Variants in MARCHF7 observed in about 807,000 individuals in gnomAD.
The protein encoded by MARCHF7 is E3 ubiquitin-protein ligase MARCHF7.
A neutral mutation model predicts 76.5 loss-of-function variants in MARCHF7; 20 were observed. The ratio of observed to expected loss-of-function variants is 0.26; its 90% CI spans 0.18 to 0.38. The LOEUF (loss-of-function observed/expected upper bound fraction) is 0.38. MARCHF7 is among the 10% of genes least tolerant of loss of function. The pLI, the probability that MARCHF7 is intolerant of heterozygous loss-of-function variation, is 1.00. For missense variants in MARCHF7, 797 were observed against 812.9 expected (o/e 0.98, Z 0.24); for synonymous variants, 295 against 293.0 (o/e 1.01, Z -0.07).
rs1422534379 is a variant in MARCHF7 at position 159,768,342 on chromosome 2, T to C, written c.*1000T>C. The C allele has an allele frequency of 6.6e-6, 1 of 152,632 alleles. No individual in the cohort carries two copies. The highest frequency in any genetic ancestry group is 1.5e-5 in the Non-Finnish European group (1 of 68,008). The allele number at this position is 152,632 out of a possible 1,614,324, so 9.5% of individuals were successfully genotyped here. On this transcript the variant is annotated 3_prime_UTR_variant, in exon 12 of 12. Coordinates refer to ENST00000409175, the MANE Select transcript of MARCHF7 (RefSeq NM_001282805.2). Reference sequence around the variant, plus strand: ...ACATTATTCACCATGAATGGATCTATACTGTGTGGTCATGAGTTGTGTATA... The same window carrying C: ...ACATTATTCACCATGAATGGATCTACACTGTGTGGTCATGAGTTGTGTATA...
chr2:159,739,291 G>A (rs1340553652), intron 4 of MARCHF7, among the ~76,000 whole-genome samples: 2 of 152,222 alleles, frequency 1.3e-5, no homozygotes, highest in South Asian at 2.1e-4. Context: ...TGCAGCCGGC[G>A]TCTTTGTGGC....
At chr2:159,765,273 A>G (rs563646163) in intron 11 of MARCHF7, among the ~76,000 whole-genome samples, 2 of 151,996 alleles carry the variant, frequency 1.3e-5, no homozygotes, top group Admixed American at 6.6e-5. Context: ...CAACAGCTCA[A>G]ATCTCTTAAG....
At chr2:159,733,136 T>C (rs1703022821) in intron 4 of MARCHF7, 1 of 699,820 alleles carries the variant, frequency 1.4e-6, no homozygotes, top group Admixed American at 6.3e-5. Context: ...TTTAAGATAA[T>C]ATCTGTAGGG....
intron 7 of MARCHF7, among the ~76,000 whole-genome samples, chr2:159,752,176 A>T (rs1316128286): frequency 3.3e-5 from 5 of 152,226 alleles, no homozygotes; most frequent in Non-Finnish European, 1.5e-5. Context: ...TACCTTTAAA[A>T]TACTTGTTAC....
intron 11 of MARCHF7, among the ~76,000 whole-genome samples, chr2:159,766,230 C>T (rs1448496372): frequency 6.6e-6 from 1 of 152,048 alleles, no homozygotes. Flanking sequence ...ACAAGAAGTT[C>T]CTTAATAAGC....
intron 5 of MARCHF7, among the ~76,000 whole-genome samples, chr2:159,745,015 A>G (rs9646766): frequency 0.082 from 12,462 of 152,290 alleles, 603 homozygotes; most frequent in East Asian, 0.14. Flanking sequence ...CAGTAAAAAT[A>G]ATTCTGATGA....
chr2:159,729,779 A>G (rs2125406178), intron 4 of MARCHF7, among the ~76,000 whole-genome samples: 1 of 152,290 alleles, frequency 6.6e-6, no homozygotes, highest in Non-Finnish European at 1.5e-5. Flanking sequence ...TGTCAGAGGA[A>G]CAAAAACTGT....
chr2:159,733,129 A>G, intron 4 of MARCHF7: 2 of 690,804 alleles, frequency 2.9e-6, no homozygotes, highest in Non-Finnish European at 3.6e-6. Context: ...ACATTGGTTT[A>G]AGATAATATC....
Position 159,747,956 on chromosome 2 carries a change from A to ATT in MARCHF7, c.666_667insTT (p.Arg223LeufsTer33). On this transcript the variant is annotated frameshift_variant, in exon 7 of 12. Coordinates refer to ENST00000409175, the MANE Select transcript of MARCHF7 (RefSeq NM_001282805.2). LOFTEE classifies it high-confidence loss of function. Reference sequence around the variant, plus strand: ...GTTCTAGGGACTCCAGAAATTCTTTAAGATCAAATTTTTCTTCAAGAGAAT... The same window carrying ATT: ...GTTCTAGGGACTCCAGAAATTCTTTATTAGATCAAATTTTTCTTCAAGAGAAT... The ATT allele has an allele frequency of 6.2e-7, 1 of 1,614,056 alleles. No homozygotes were observed. The highest frequency in any genetic ancestry group is 8.5e-7 in the Non-Finnish European group (1 of 1,179,992).
rs1447114740 is a variant in MARCHF7 at position 159,748,973 on chromosome 2, CTTTTCTTTTTTTT to C, written c.1613+75_1613+87del. The C allele has an allele frequency of 3.1e-5, 21 of 684,704 alleles. 1 individual carries two copies. The highest frequency in any genetic ancestry group is 3.8e-5 in the East Asian group (1 of 26,174). The allele number at this position is 684,704 out of a possible 1,614,324, so 42.4% of individuals were successfully genotyped here. A position where few individuals can be genotyped will look rare whatever the true frequency, so the allele number is the denominator to read the frequency against. ...AAAGAACTCTTCATTTCTTTTTTTT[CTTTTCTTTTTTTT>C]TTTTTTTTTTGAGACGGAGTCTCAG... On this transcript the variant is annotated intron_variant, in intron 7 of 11. Transcript: ENST00000409175.
At chr2:159,740,155 A>C (rs1014478119) in intron 4 of MARCHF7, among the ~76,000 whole-genome samples, 4 of 152,164 alleles carry the variant, frequency 2.6e-5, no homozygotes, top group African/African-American at 4.8e-5. Context: ...TTGATATTCT[A>C]ATGGCTTCCT....
intron 3 of MARCHF7, among the ~76,000 whole-genome samples, chr2:159,724,336 G>A (rs1477438932): frequency 6.6e-6 from 1 of 152,088 alleles, no homozygotes; most frequent in Non-Finnish European, 1.5e-5. Context: ...TTTCAAGATG[G>A]TATATTGTGC....
rs1006653241 is a variant in MARCHF7, at chr2:159,715,973, C to A, written c.-15+207C>A. 6.6e-5 allele frequency among the ~76,000 whole-genome samples: 10 copies of A among 152,318 alleles called. No individual in the cohort carries two copies. The East Asian group carries it at 1.5e-3, about 23-fold the overall frequency. On this transcript the variant is annotated intron_variant, in intron 3 of 11. Transcript: ENST00000409175. ...AAACTTGATGCTTAGAGATTAAATT[C>A]ATTTCAAGGAGAACAGTTTGCCTTT...
chr2:159,764,846 T>TG (rs1707571523), intron 11 of MARCHF7, among the ~76,000 whole-genome samples, 172 bp downstream of exon 11: 1 of 151,746 alleles, frequency 6.6e-6, no homozygotes, highest in African/African-American at 2.4e-5. Context: ...ATTAGTTGTT[T>TG]TTTTTTTTAA....
intron 5 of MARCHF7, 26 bp from the exon 6 acceptor site, chr2:159,745,744 A>T (rs922031769): frequency 6.4e-7 from 1 of 1,550,878 alleles, no homozygotes; most frequent in African/African-American, 1.4e-5. Context: ...CTTTCTCTGA[A>T]ATAAAACTTC....
At chr2:159,725,104 C>A (rs1042431138) in intron 3 of MARCHF7, among the ~76,000 whole-genome samples, 8 of 152,252 alleles carry the variant, frequency 5.3e-5, no homozygotes, top group Non-Finnish European at 7.4e-5. Flanking sequence ...TGGGTTGATT[C>A]CAAGTCTTTG....
intron 4 of MARCHF7, chr2:159,733,412 AT>A: frequency 1.6e-6 from 1 of 614,946 alleles, no homozygotes; most frequent in Non-Finnish European, 2.0e-6. Flanking sequence ...TGCTTTTTAA[AT>A]TTTTTGTAGA....
chr2:159,713,459 T>C (rs1335320240), intron 1 of MARCHF7, among the ~76,000 whole-genome samples: 1 of 152,234 alleles, frequency 6.6e-6, no homozygotes, highest in Non-Finnish European at 1.5e-5. Context: ...TAGTTAAATG[T>C]GTGAAAACTG....
chr2:159,719,383 C>T (rs895200365), intron 3 of MARCHF7, among the ~76,000 whole-genome samples: 23 of 151,998 alleles, frequency 1.5e-4, no homozygotes, highest in Admixed American at 4.6e-4. Flanking sequence ...CTTGACCACC[C>T]CCCACCACCA....
Sources: gnomAD v4.1 joint callset for allele counts (sites outside exome capture counted in the v4.1 genomes callset) on GRCh38, gnomAD v4.1.1 for gene constraint, MANE v1.5 for transcripts, NCBI Gene and HGNC (gene_info 2026-07-23, HGNC 2026-07-21) for gene names.